RBBP5: variants seen among roughly 807,000 people sequenced by gnomAD.
The protein encoded by RBBP5 is retinoblastoma-binding protein 5.
RBBP5 carries 5 observed loss-of-function variants against 72.2 expected under a neutral mutation model. The observed-to-expected ratio is 0.07, with a 90% CI of 0.04 to 0.15. The LOEUF is 0.15. Ranked by LOEUF, RBBP5 falls within the 10% of genes least tolerant of loss-of-function variation. The pLI is 1.00. For synonymous variants in RBBP5, 209 were observed against 237.2 expected, an observed-to-expected ratio of 0.88 and a Z score of 1.09; for missense variants, 322 against 652.2, an observed-to-expected ratio of 0.49 and a Z score of 5.51.
At chr1:205,102,467 T>C (rs1655871638) in intron 5 of RBBP5, among the ~76,000 whole-genome samples, 1 of 152,050 alleles carries the variant, frequency 6.6e-6, no homozygotes, top group Admixed American at 6.6e-5. Flanking sequence ...GTCAAATTCA[T>C]AAAGAGAGAA....
At chr1:205,098,699 G>A (rs1655707050) in intron 10 of RBBP5, among the ~76,000 whole-genome samples, 1 of 151,934 alleles carries the variant, frequency 6.6e-6, no homozygotes, top group Non-Finnish European at 1.5e-5. Flanking sequence ...CAAAAAATTC[G>A]CTGGGAGTGG....
intron 3 of RBBP5, among the ~76,000 whole-genome samples, chr1:205,107,461 C>T (rs543177971): frequency 1.6e-4 from 25 of 152,078 alleles, no homozygotes; most frequent in Non-Finnish European, 2.4e-4. Context: ...AAGGAAGTGG[C>T]ACATTTTTCA....
At chr1:205,113,041 T>C (rs958761069) in intron 3 of RBBP5, among the ~76,000 whole-genome samples, 25 of 152,054 alleles carry the variant, frequency 1.6e-4, no homozygotes, top group African/African-American at 5.1e-4. Context: ...GAGCCTGGGA[T>C]TTCAAGGTTG....
chr1:205,120,967 T>C (rs1262917719), intron 1 of RBBP5, among the ~76,000 whole-genome samples: 1 of 152,212 alleles, frequency 6.6e-6, no homozygotes. Context: ...TTTTACATAA[T>C]CACCTTAAAC....
intron 3 of RBBP5, among the ~76,000 whole-genome samples, chr1:205,107,385 C>T (rs576689218): frequency 6.6e-6 from 1 of 151,778 alleles, no homozygotes; most frequent in South Asian, 2.1e-4. Flanking sequence ...AAAAATGATG[C>T]CTTATCTATA....
At chr1:205,096,012 G>A (rs1447036997) in intron 12 of RBBP5, among the ~76,000 whole-genome samples, 1 of 151,974 alleles carries the variant, frequency 6.6e-6, no homozygotes, top group Non-Finnish European at 1.5e-5. Context: ...GGCCAACACG[G>A]CAAAACCCCA....
intron 2 of RBBP5, 64 bp downstream of exon 2, chr1:205,115,794 T>G (rs1656496203): frequency 1.4e-6 from 2 of 1,465,550 alleles, no homozygotes; most frequent in South Asian, 2.9e-5. Context: ...AAGTATTTTC[T>G]GTTCTAACAT....
intron 3 of RBBP5, among the ~76,000 whole-genome samples, chr1:205,112,683 T>C (rs1009370644): frequency 5.9e-5 from 9 of 152,128 alleles, no homozygotes; most frequent in African/African-American, 2.2e-4. Context: ...AGAAAATGGT[T>C]AAGTAAATTA....
intron 4 of RBBP5, among the ~76,000 whole-genome samples, 199 bp downstream of exon 4, chr1:205,104,829 C>T (rs1476961454): frequency 6.6e-6 from 1 of 151,954 alleles, no homozygotes; most frequent in Non-Finnish European, 1.5e-5. Context: ...CAGAGCAGGA[C>T]TCTGTCTCAA....
chr1:205,100,110 G>A, intron 7 of RBBP5, 42 bp downstream of exon 7: 4 of 1,613,988 alleles, frequency 2.5e-6, no homozygotes, highest in Non-Finnish European at 3.4e-6. Flanking sequence ...CTCAAGCCCA[G>A]GTCATGAATG....
chr1:205,091,880 G>A (rs546812370), intron 13 of RBBP5: 1 of 152,152 alleles, frequency 6.6e-6, no homozygotes, highest in Non-Finnish European at 1.5e-5. Context: ...TTTGCATCAG[G>A]TTTCCTTTCT....
chr1:205,098,990 T>C lies in RBBP5; in HGVS notation c.1095A>G (p.Thr365=). The C allele has an allele frequency of 6.3e-7, 1 of 1,578,816 alleles. No individual in the cohort carries two copies. Among genetic ancestry groups the C allele is most frequent in the Non-Finnish European group, 8.6e-7 (1 of 1,159,986 alleles). The change falls in exon 10 of 14, where the codon ACA becomes ACG. Residue 365 remains threonine, a splice_region_variant and synonymous_variant. Coordinates refer to ENST00000264515, the MANE Select transcript of RBBP5 (RefSeq NM_005057.4). ...CTGTCTGCAATTTAGAAATAGTACCTGTCTGCTCAGGCTCACTCTTATCTT... is the reference window on the plus strand; with the variant it reads ...CTGTCTGCAATTTAGAAATAGTACCCGTCTGCTCAGGCTCACTCTTATCTT... ...EDEDKSEPEQ[T]GADAAEDEEV... is the part of the protein sequence containing the mutation.
chr1:205,113,772 C>A (rs986046716), intron 3 of RBBP5, among the ~76,000 whole-genome samples: 3 of 151,086 alleles, frequency 2.0e-5, no homozygotes, highest in Non-Finnish European at 2.9e-5. Context: ...GCAACCTCTG[C>A]CTTCCAGGTT....
At chr1:205,096,970 A>G in intron 11 of RBBP5, 59 bp from the exon 12 acceptor site, 2 of 1,447,224 alleles carry the variant, frequency 1.4e-6, no homozygotes, top group Non-Finnish European at 1.9e-6. Flanking sequence ...TGCTTAAACC[A>G]TGAGCCCTTC....
chr1:205,094,756 GC>G, intron 13 of RBBP5, 116 bp downstream of exon 13: 1 of 1,196,756 alleles, frequency 8.4e-7, no homozygotes, highest in Non-Finnish European at 1.2e-6. Context: ...GAAATTATCT[GC>G]TGCTGGGAAA....
At chr1:205,113,828 G>A (rs977181577) in intron 3 of RBBP5, among the ~76,000 whole-genome samples, 3 of 152,140 alleles carry the variant, frequency 2.0e-5, no homozygotes, top group East Asian at 1.9e-4. Context: ...GGGATTACAG[G>A]CACCCGCCAA....
chr1:205,097,286 C>T (rs369133279), intron 11 of RBBP5, 40 bp downstream of exon 11: 12 of 1,541,358 alleles, frequency 7.8e-6, no homozygotes, highest in African/African-American at 1.4e-5. Flanking sequence ...AGGCCAGGAG[C>T]AGCAGTAGCC....
chr1:205,101,550 C>A, intron 6 of RBBP5, 50 bp downstream of exon 6: 1 of 1,296,102 alleles, frequency 7.7e-7, no homozygotes, highest in Non-Finnish European at 1.1e-6. Flanking sequence ...TGTATTTTTG[C>A]ATTCTATTCA....
chr1:205,110,454 A>AC (rs1656269328), intron 3 of RBBP5, among the ~76,000 whole-genome samples: 4 of 152,328 alleles, frequency 2.6e-5, no homozygotes, highest in Admixed American at 1.3e-4. Flanking sequence ...TAATATGCTC[A>AC]AATAAGGAAC....
Sources: allele counts gnomAD v4.1 joint callset (sites outside exome capture counted in the v4.1 genomes callset), GRCh38; gene constraint gnomAD v4.1.1; transcripts MANE v1.5; gene names NCBI Gene and HGNC (gene_info 2026-07-23, HGNC 2026-07-21).